KIF26B: variants seen among roughly 807,000 people sequenced by gnomAD.
KIF26B encodes kinesin family member 26B, also known as kinesin-like protein KIF26B.
In KIF26B, 63 loss-of-function variants were observed where a neutral mutation model predicts 151.2. The ratio of observed to expected loss-of-function variants is 0.42; its 90% confidence interval spans 0.34 to 0.51. The LOEUF is 0.51. KIF26B is among the 20% of genes least tolerant of loss of function. The probability of loss-of-function intolerance (pLI) is 0.07; values close to 1 mark genes in which losing one functional copy is unlikely to be tolerated. For synonymous variants in KIF26B, 1,357 were observed against 1,262.1 expected (o/e 1.08, Z -1.59); for missense variants, 2,813 against 2,913.6 (o/e 0.97, Z 0.79).
intron 5 of KIF26B, among the ~76,000 whole-genome samples, chr1:245,559,422 G>A (rs1249561356): frequency 2.0e-5 from 3 of 151,846 alleles, no homozygotes; most frequent in Non-Finnish European, 4.4e-5. Flanking sequence ...TGGTTTTTGG[G>A]TTTTTGTCGA....
rs367905536 is a variant in KIF26B, at chr1:245,685,859, C to A, written c.2876C>A (p.Ala959Glu). 43 of 1,612,598 alleles carry A rather than the reference C, an allele frequency of 2.7e-5. No individual in the cohort carries two copies. The highest frequency in any genetic ancestry group is 1.8e-4 in the Admixed American group (11 of 59,940). The change falls in exon 12 of 15, where the codon GCA (alanine) becomes GAA (glutamate). Residue 959 changes from alanine to glutamate, a missense_variant. Coordinates refer to ENST00000407071, the MANE Select transcript of KIF26B (RefSeq NM_018012.4). Reference protein sequence around the residue: ...ELPAQFGPEQASRGPRLSQAA... With the variant: ...ELPAQFGPEQESRGPRLSQAA... The stretch of plus-strand genomic sequence containing the variant: ...CCTGCTCAGTTTGGGCCAGAGCAGG[C>A]AAGCAGAGGCCCCCGGTTAAGCCAA...
intron 2 of KIF26B, among the ~76,000 whole-genome samples, chr1:245,250,222 G>C (rs1348719323): frequency 6.6e-6 from 1 of 151,830 alleles, no homozygotes; most frequent in Admixed American, 6.6e-5. Context: ...TACTTTTATG[G>C]GTACCTACAT....
At chr1:245,681,034 G>T (rs758789908) in intron 10 of KIF26B, among the ~76,000 whole-genome samples, 4 of 152,062 alleles carry the variant, frequency 2.6e-5, no homozygotes, top group Non-Finnish European at 5.9e-5. Flanking sequence ...GTGCCTTATG[G>T]AGAAAATCCA....
At chr1:245,404,916 A>C (rs79017986) in intron 3 of KIF26B, among the ~76,000 whole-genome samples, 5,066 of 152,306 alleles carry the variant, frequency 0.033, 260 homozygotes, top group African/African-American at 0.11. Context: ...CATCTCCCTA[A>C]ATTTGAGAAT....
At chr1:245,321,335 C>T (rs1457074686) in intron 2 of KIF26B, among the ~76,000 whole-genome samples, 1 of 152,176 alleles carries the variant, frequency 6.6e-6, no homozygotes, top group East Asian at 1.9e-4. Flanking sequence ...GGTTTCTTTC[C>T]ATCGAAGTTA....
intron 4 of KIF26B, among the ~76,000 whole-genome samples, chr1:245,479,656 A>T (rs1020573393): frequency 6.6e-6 from 1 of 151,914 alleles, no homozygotes; most frequent in Non-Finnish European, 1.5e-5. Context: ...GTCAAGGATG[A>T]TAGAAAGTCA....
At chr1:245,289,093 A>G (rs183655644) in intron 2 of KIF26B, among the ~76,000 whole-genome samples, 2 of 152,316 alleles carry the variant, frequency 1.3e-5, no homozygotes, top group East Asian at 3.9e-4. Flanking sequence ...GTTAGATTTG[A>G]TGACTAACAG....
chr1:245,472,328 C>A (rs563061762), intron 4 of KIF26B, among the ~76,000 whole-genome samples: 44 of 152,264 alleles, frequency 2.9e-4, no homozygotes, highest in Non-Finnish European at 5.3e-4. Context: ...GCTTGTAAAA[C>A]CTTCACCAGT....
At chr1:245,556,789 T>C (rs1420670488) in intron 5 of KIF26B, among the ~76,000 whole-genome samples, 1 of 152,194 alleles carries the variant, frequency 6.6e-6, no homozygotes, top group Non-Finnish European at 1.5e-5. Context: ...TCCTCCCACC[T>C]CAGCCTCTCA....
At chr1:245,225,493 G>A (rs190969048) in intron 2 of KIF26B, among the ~76,000 whole-genome samples, 39 of 152,320 alleles carry the variant, frequency 2.6e-4, no homozygotes, top group African/African-American at 6.5e-4. Context: ...TGCTTACACC[G>A]GCCGTGTCAG....
intron 2 of KIF26B, among the ~76,000 whole-genome samples, chr1:245,169,004 T>G (rs1158665099): frequency 2.0e-5 from 3 of 152,176 alleles, no homozygotes; most frequent in African/African-American, 7.2e-5. Context: ...TAAACACAAT[T>G]CAGGGAATAT....
rs116457513 is a variant in KIF26B at position 245,554,805 on chromosome 1, C to T, written c.1350+13855C>T. The stretch of plus-strand genomic sequence containing the variant: ...TTTTAGCGCTTTGATGTGCTGCATG[C>T]GGTTGCCCTGCAATTAGTTCATATG... On this transcript the variant is annotated intron_variant, in intron 5 of 14. Transcript: ENST00000407071. 4.5e-3 allele frequency among the ~76,000 whole-genome samples: 686 copies of T among 152,300 alleles called. 8 individuals carry two copies. Among genetic ancestry groups the T allele is most frequent in the African/African-American group, 0.016 (653 of 41,560 alleles).
intron 10 of KIF26B, among the ~76,000 whole-genome samples, chr1:245,674,199 TCA>T (rs1409002217): frequency 2.0e-5 from 3 of 152,162 alleles, no homozygotes; most frequent in African/African-American, 7.2e-5. Flanking sequence ...GTAAAGCTGG[TCA>T]CAGACCGTTG....
intron 5 of KIF26B, among the ~76,000 whole-genome samples, chr1:245,552,125 GTGT>G (rs1558211149): frequency 2.3e-4 from 13 of 56,206 alleles, no homozygotes; most frequent in African/African-American, 7.5e-4. Context: ...CCAGCAGGGT[GTGT>G]GTGTGTGTGT....
At chr1:245,493,909 C>T (rs1660457849) in intron 4 of KIF26B, among the ~76,000 whole-genome samples, 1 of 152,114 alleles carries the variant, frequency 6.6e-6, no homozygotes, top group Non-Finnish European at 1.5e-5. Context: ...TCGTTGTCCC[C>T]TTTGAAGCAT....
chr1:245,562,667 G>A (rs1252756170), intron 5 of KIF26B, among the ~76,000 whole-genome samples: 1 of 150,496 alleles, frequency 6.6e-6, no homozygotes, highest in Non-Finnish European at 1.5e-5. Flanking sequence ...CCCTTGGGTA[G>A]TGTGAGTTAC....
rs1572213807 is a variant in KIF26B, at chr1:245,698,497, C to T, written c.6027+189C>T. Among the ~76,000 whole-genome samples the T allele has an allele frequency of 6.6e-6, 1 of 152,272 alleles. No homozygotes were observed. The highest frequency in any genetic ancestry group is 2.4e-5 in the African/African-American group (1 of 41,564). ...TTTGGACAGAGGCCTTGGAGAGAGC[C>T]CCATGTTTCTCTTCCTGAAATGTTT... On this transcript the variant is annotated intron_variant, in intron 13 of 14. Coordinates refer to ENST00000407071, the MANE Select transcript of KIF26B (RefSeq NM_018012.4). The surrounding 1 kb of genome is among the most constrained non-coding windows in gnomAD (Gnocchi z 4.0).
At chr1:245,208,752 G>A (rs536400315) in intron 2 of KIF26B, among the ~76,000 whole-genome samples, 2 of 152,282 alleles carry the variant, frequency 1.3e-5, no homozygotes, top group South Asian at 4.1e-4. Context: ...AGGGTTTCCA[G>A]GAGGGGATAT....
At chr1:245,555,972 T>C (rs892119227) in intron 5 of KIF26B, among the ~76,000 whole-genome samples, 3 of 151,420 alleles carry the variant, frequency 2.0e-5, no homozygotes, top group Non-Finnish European at 3.0e-5. Flanking sequence ...GGGAGTGCAG[T>C]AGGGAGAGGT....
Sources: gnomAD v4.1 joint callset for allele counts (sites outside exome capture counted in the v4.1 genomes callset) on GRCh38, gnomAD v4.1.1 for gene constraint, Gnocchi (gnomAD v3.1) non-coding constraint, MANE v1.5 for transcripts, NCBI Gene and HGNC (gene_info 2026-07-23, HGNC 2026-07-21) for gene names.